The following NSMCE2 variants were observed in gnomAD, a reference collection of about 807,000 sequenced individuals.
NSMCE2 encodes the protein E3 SUMO-protein ligase NSE2.
Under a neutral mutation model 23.8 loss-of-function variants are expected in NSMCE2, and 24 were observed. The observed-to-expected ratio is 1.01, with a 90% CI of 0.73 to 1.42. The LOEUF is 1.42. NSMCE2 is among the 40% of genes most tolerant of loss of function. The probability of loss-of-function intolerance (pLI) is 0.00; values close to 1 mark genes in which losing one functional copy is unlikely to be tolerated. For synonymous variants in NSMCE2, 92 were observed against 94.1 expected (o/e 0.98, Z 0.13); for missense variants, 284 against 296.5 (o/e 0.96, Z 0.31).
At chr8:125,097,252 T>TCAA (rs1817985326) in intron 1 of NSMCE2, among the ~76,000 whole-genome samples, 1 of 152,216 alleles carries the variant, frequency 6.6e-6, no homozygotes, top group African/African-American at 2.4e-5. Flanking sequence ...CTTTAACATT[T>TCAA]TGCCATATTT....
chr8:125,106,211 C>G lies in NSMCE2; in HGVS notation c.157+3724C>G, dbSNP rs529578035. ...GTAGTTCTTCCCTTCATAGAGTTTA[C>G]CATCTTAGTGGGAAGACAAACACAT... On this transcript the variant is annotated intron_variant, in intron 3 of 7. Transcript: ENST00000287437. Among the ~76,000 whole-genome samples the G allele has an allele frequency of 9.0e-4, 137 of 152,180 alleles. 4 individuals carry two copies. The South Asian group carries it at 0.02, about 22-fold the overall frequency.
intron 3 of NSMCE2, among the ~76,000 whole-genome samples, chr8:125,104,253 A>G (rs1258226155): frequency 6.6e-6 from 1 of 151,990 alleles, no homozygotes; most frequent in Non-Finnish European, 1.5e-5. Flanking sequence ...GCCTTCCAAA[A>G]TCTTGGAATT....
In NSMCE2 at chr8:125,243,714, G is replaced by A. The variant is rs138777378; in HGVS notation, c.418+61458G>A. Among the ~76,000 whole-genome samples the A allele has an allele frequency of 9.4e-4, 143 of 152,220 alleles. 1 individual carries two copies. The highest frequency in any genetic ancestry group is 3.2e-3 in the African/African-American group (131 of 41,528). On this transcript the variant is annotated intron_variant, in intron 5 of 7. Coordinates refer to ENST00000287437, the MANE Select transcript of NSMCE2 (RefSeq NM_173685.4). ...TCCAGATGTGTGAGAGTCAGGTAAG[G>A]TGGAGTGAGGGAGGCGATAGTTATC...
In NSMCE2 at chr8:125,272,074, C is replaced by T. The variant is rs192368815; in HGVS notation, c.419-85145C>T. On this transcript the variant is annotated intron_variant, in intron 5 of 7. Coordinates refer to ENST00000287437, the MANE Select transcript of NSMCE2 (RefSeq NM_173685.4). ...TGTCACCTGGGCTGGAGTGCAATGG[C>T]GCTATCTCAGCTCACTGCAAGCTCC... 1.0e-4 allele frequency among the ~76,000 whole-genome samples: 14 copies of T among 140,258 alleles called. No homozygotes were observed. The East Asian group carries it at 1.7e-3, about 17-fold the overall frequency. The allele number at this position is 140,258 out of a possible 152,430, so 92.0% of individuals were successfully genotyped here. A position where few individuals can be genotyped will look rare whatever the true frequency, so the allele number is the denominator to read the frequency against.
intron 4 of NSMCE2, among the ~76,000 whole-genome samples, chr8:125,176,868 A>G (rs552301540): frequency 1.3e-5 from 2 of 152,312 alleles, no homozygotes; most frequent in East Asian, 3.9e-4. Flanking sequence ...GACTTGTACC[A>G]TTACTTCACA....
chr8:125,133,263 A>G (rs1288869333), intron 3 of NSMCE2, among the ~76,000 whole-genome samples: 1 of 152,206 alleles, frequency 6.6e-6, no homozygotes, highest in African/African-American at 2.4e-5. Flanking sequence ...AATGACTAGG[A>G]TATTTAAGTA....
intron 3 of NSMCE2, among the ~76,000 whole-genome samples, chr8:125,143,968 CAGAG>C: frequency 6.6e-6 from 1 of 152,158 alleles, no homozygotes; most frequent in Middle Eastern, 3.4e-3. Context: ...TCATAGGAAA[CAGAG>C]AGCAAAGCAA....
chr8:125,275,101 C>A (rs183548978), intron 5 of NSMCE2, among the ~76,000 whole-genome samples: 1 of 151,684 alleles, frequency 6.6e-6, no homozygotes, highest in Admixed American at 6.6e-5. Flanking sequence ...CCTATCCCTG[C>A]TTTTATCTGG....
intron 3 of NSMCE2, among the ~76,000 whole-genome samples, chr8:125,116,319 C>T (rs1283960012): frequency 6.6e-6 from 1 of 152,186 alleles, no homozygotes; most frequent in Non-Finnish European, 1.5e-5. Flanking sequence ...ATACACTGCT[C>T]ACCACAGGTC....
chr8:125,357,867 T>A, intron 7 of NSMCE2, 49 bp downstream of exon 7: 2 of 1,322,238 alleles, frequency 1.5e-6, no homozygotes, highest in Non-Finnish European at 2.2e-6. Context: ...TGGTAGTTAC[T>A]CAGAGGTGGC....
At chr8:125,353,816 G>A (rs180748954) in intron 5 of NSMCE2, among the ~76,000 whole-genome samples, 28 of 151,960 alleles carry the variant, frequency 1.8e-4, no homozygotes, top group Middle Eastern at 3.4e-3. Flanking sequence ...CCGGGAGGCA[G>A]AGGTTGCAAT....
At chr8:125,242,660 G>A (rs916202027) in intron 5 of NSMCE2, among the ~76,000 whole-genome samples, 40 of 152,208 alleles carry the variant, frequency 2.6e-4, no homozygotes, top group African/African-American at 7.7e-4. Context: ...AACAGCAGGA[G>A]CTAGAGACCT....
chr8:125,124,936 A>AG (rs1819442431), intron 3 of NSMCE2, among the ~76,000 whole-genome samples: 1 of 152,016 alleles, frequency 6.6e-6, no homozygotes, highest in Non-Finnish European at 1.5e-5. Flanking sequence ...CTGGGACTAC[A>AG]GGTGCCCGCC....
chr8:125,139,444 C>T (rs762478163), intron 3 of NSMCE2, among the ~76,000 whole-genome samples: 14 of 152,072 alleles, frequency 9.2e-5, no homozygotes, highest in Non-Finnish European at 1.6e-4. Context: ...AAAGACATAC[C>T]GGAGACTGGT....
rs545581415 is a variant in NSMCE2, at chr8:125,343,256, A to G, written c.419-13963A>G. On this transcript the variant is annotated intron_variant, in intron 5 of 7. Coordinates refer to ENST00000287437, the MANE Select transcript of NSMCE2 (RefSeq NM_173685.4). ...ACTAACAGATGTGACAACTTATAAC[A>G]CAGGTACTTCCTCCTTCACTGCACT... Among the ~76,000 whole-genome samples the G allele has an allele frequency of 1.6e-4, 25 of 152,300 alleles. No individual in the cohort carries two copies. The South Asian group carries it at 4.8e-3, about 29-fold the overall frequency.
intron 4 of NSMCE2, among the ~76,000 whole-genome samples, chr8:125,155,433 C>T (rs927673109): frequency 3.9e-5 from 6 of 152,130 alleles, no homozygotes; most frequent in African/African-American, 1.4e-4. Flanking sequence ...GAAGGCCTAC[C>T]TTTATATATA....
chr8:125,187,631 T>TA (rs763706203), intron 5 of NSMCE2, among the ~76,000 whole-genome samples: 2 of 152,278 alleles, frequency 1.3e-5, no homozygotes, highest in East Asian at 3.9e-4. Flanking sequence ...ATTTACCTGT[T>TA]ACGTGACTAT....
chr8:125,179,158 A>G (rs2130794225), intron 4 of NSMCE2, among the ~76,000 whole-genome samples: 1 of 152,300 alleles, frequency 6.6e-6, no homozygotes, highest in South Asian at 2.1e-4. Context: ...CTGAGATTCT[A>G]AGTCCTGTAT....
intron 5 of NSMCE2, among the ~76,000 whole-genome samples, chr8:125,356,903 C>T (rs1813303801): frequency 6.6e-6 from 1 of 152,190 alleles, no homozygotes; most frequent in Non-Finnish European, 1.5e-5. Flanking sequence ...GCTAGCCCAG[C>T]GTCTCACCAC....
Sources: allele counts gnomAD v4.1 joint callset (sites outside exome capture counted in the v4.1 genomes callset), GRCh38; gene constraint gnomAD v4.1.1; transcripts MANE v1.5; gene names NCBI Gene and HGNC (gene_info 2026-07-23, HGNC 2026-07-21).